Variants in ALDH4A1 observed in about 807,000 individuals in gnomAD.
The protein encoded by ALDH4A1 is aldehyde dehydrogenase 4 family member A1.
ALDH4A1 carries 46 observed loss-of-function variants against 70.5 expected under a neutral mutation model. The observed-to-expected ratio is 0.65, with a 90% CI of 0.51 to 0.83. The LOEUF (loss-of-function observed/expected upper bound fraction) is 0.83, where lower values mean the gene tolerates loss of function less well. ALDH4A1 is among the 40% of genes least tolerant of loss of function. The pLI is 0.00. For missense variants in ALDH4A1, 749 were observed against 766.5 expected (o/e 0.98, Z 0.27); for synonymous variants, 323 against 324.3 (o/e 1.00, Z 0.04).
At position 18,901,009 on chromosome 1, in the gene ALDH4A1, G is replaced by T. The variant is rs565776864; in HGVS notation, c.62+1453C>A. Reference sequence around the variant, plus strand: ...CTATGCATTTCTCCCCTATTAAGCCGAAAACTCCTCAAAGGCCCCACCCCA... The same window carrying T: ...CTATGCATTTCTCCCCTATTAAGCCTAAAACTCCTCAAAGGCCCCACCCCA... On this transcript the variant is annotated intron_variant, in intron 1 of 14. Transcript: ENST00000375341. 7.1e-6 allele frequency: 5 copies of T among 708,326 alleles called. No homozygotes were observed. The South Asian group carries it at 3.2e-4, about 45-fold the overall frequency. 43.9% of individuals were successfully genotyped at this position (708,326 alleles called of 1,614,324 possible). A position where few individuals can be genotyped will look rare whatever the true frequency, so the allele number is the denominator to read the frequency against.
chr1:18,887,412 A>T (rs1028589361), intron 3 of ALDH4A1, among the ~76,000 whole-genome samples: 17 of 152,362 alleles, frequency 1.1e-4, no homozygotes, highest in Non-Finnish European at 2.4e-4. Context: ...ATCCTGGCTA[A>T]CATGGTGAAA....
intron 1 of ALDH4A1, among the ~76,000 whole-genome samples, chr1:18,900,245 C>A (rs1188801861): frequency 1.3e-5 from 2 of 152,312 alleles, no homozygotes; most frequent in South Asian, 4.1e-4. Context: ...CTCCTATACC[C>A]GTTCCTCAAA....
chr1:18,888,292 T>G (rs1198516650), intron 3 of ALDH4A1, among the ~76,000 whole-genome samples: 1 of 152,192 alleles, frequency 6.6e-6, no homozygotes, highest in East Asian at 1.9e-4. Context: ...TGGCCTGTGA[T>G]GCTTAAGGGC....
intron 1 of ALDH4A1, among the ~76,000 whole-genome samples, chr1:18,901,679 T>C (rs1935802864): frequency 6.6e-6 from 1 of 152,148 alleles, no homozygotes; most frequent in African/African-American, 2.4e-5. Context: ...TTTGGAATAA[T>C]GACCTGCCTC....
chr1:18,882,687 A>C (rs780418124), intron 7 of ALDH4A1: 2 of 551,384 alleles, frequency 3.6e-6, no homozygotes, highest in Non-Finnish European at 7.3e-6. Flanking sequence ...TGAGAGGATG[A>C]AATGAGATCA....
intron 1 of ALDH4A1, among the ~76,000 whole-genome samples, chr1:18,901,448 G>A (rs1045070916): frequency 6.6e-6 from 1 of 152,166 alleles, no homozygotes; most frequent in African/African-American, 2.4e-5. Flanking sequence ...GGGAGGGGGG[G>A]CTGATCCACA....
Position 18,880,638 on chromosome 1 carries a change from T to C in ALDH4A1, c.866+1062A>G, listed in dbSNP as rs1391487153. Among the ~76,000 whole-genome samples, 1 of 151,936 alleles carries C rather than the reference T, an allele frequency of 6.6e-6. No individual in the cohort carries two copies. Among genetic ancestry groups the C allele is most frequent in the Non-Finnish European group, 1.5e-5 (1 of 67,968 alleles). ...GGGAAAGGAAACAGCGTGGATCAGG[T>C]ATGCAGGGAGCCAGAGGGCACCCAC... On this transcript the variant is annotated intron_variant, in intron 8 of 14. Transcript: ENST00000375341. The surrounding 1 kb of genome is among the most constrained non-coding windows in gnomAD (Gnocchi z 5.1).
At chr1:18,876,805 C>T (rs1934710796) in intron 11 of ALDH4A1, among the ~76,000 whole-genome samples, 2 of 152,138 alleles carry the variant, frequency 1.3e-5, no homozygotes, top group South Asian at 2.1e-4. Flanking sequence ...GATCTGCATG[C>T]CTTCTCCATG....
intron 9 of ALDH4A1, among the ~76,000 whole-genome samples, chr1:18,878,225 G>T (rs1934810352): frequency 1.3e-5 from 2 of 152,192 alleles, no homozygotes; most frequent in Non-Finnish European, 1.5e-5. Flanking sequence ...GCTGTGCTTT[G>T]TCTGACCAAA....
At chr1:18,887,331 G>A (rs1487287753) in intron 3 of ALDH4A1, among the ~76,000 whole-genome samples, 1 of 152,268 alleles carries the variant, frequency 6.6e-6, no homozygotes, top group Middle Eastern at 3.2e-3. Flanking sequence ...CGGGCGCGGT[G>A]GCTCACACCT....
chr1:18,875,444 C>A lies in ALDH4A1; in HGVS notation c.1398G>T (p.Thr466=), dbSNP rs148063256. 25 of 1,614,026 alleles carry A rather than the reference C, an allele frequency of 1.5e-5. No homozygotes were observed. In the African/African-American group the frequency reaches 3.1e-4, roughly 20 times the overall value. ...YVYPDDKYKE[T]LQLVDSTTSY... The stretch of plus-strand genomic sequence containing the variant: ...TGGTGGTGCTGTCAACCAGCTGCAG[C>A]GTCTCCTTGTACTTGTCATCCGGGT... The change falls in exon 13 of 15, where the codon ACG becomes ACT. Residue 466 remains threonine, a synonymous_variant. Coordinates refer to ENST00000375341, the MANE Select transcript of ALDH4A1 (RefSeq NM_003748.4).
At chr1:18,882,191 C>G (rs957980608) in intron 7 of ALDH4A1, among the ~76,000 whole-genome samples, 19 of 152,258 alleles carry the variant, frequency 1.2e-4, no homozygotes, top group East Asian at 1.9e-4. Flanking sequence ...GCTAGAGTCA[C>G]TGAGTGCTCA....
intron 1 of ALDH4A1, among the ~76,000 whole-genome samples, chr1:18,900,477 C>T (rs1935763328): frequency 6.6e-6 from 1 of 152,240 alleles, no homozygotes; most frequent in Admixed American, 6.5e-5. Flanking sequence ...TAACATCTGA[C>T]AATGTCTGGG....
chr1:18,875,602 C>T (rs555089390), intron 12 of ALDH4A1, 99 bp from the exon 13 acceptor site: 2 of 1,585,352 alleles, frequency 1.3e-6, no homozygotes, highest in East Asian at 2.2e-5. Context: ...CTCCCCAGTC[C>T]CTGGGCCTCA....
At chr1:18,895,146 A>G (rs1235285429) in intron 1 of ALDH4A1, among the ~76,000 whole-genome samples, 2 of 152,164 alleles carry the variant, frequency 1.3e-5, no homozygotes, top group East Asian at 3.9e-4. Context: ...AGCACCCAGG[A>G]AGTGCCTGGC....
chr1:18,893,257 T>G (rs555794858), intron 1 of ALDH4A1, among the ~76,000 whole-genome samples: 1 of 152,256 alleles, frequency 6.6e-6, no homozygotes, highest in Admixed American at 6.5e-5. Flanking sequence ...CTCAGTTTCC[T>G]CACCTGGAAA....
chr1:18,893,378 G>A lies in ALDH4A1; in HGVS notation c.63-3273C>T, dbSNP rs143154417. Among the ~76,000 whole-genome samples the A allele has an allele frequency of 1.2e-4, 18 of 152,280 alleles. 1 individual carries two copies. In the East Asian group the frequency reaches 3.3e-3, roughly 28 times the overall value. On this transcript the variant is annotated intron_variant, in intron 1 of 14. Transcript: ENST00000375341. ...GACACGAATATGGGACCTGAGTCAT[G>A]CCCTTTGCATCCACACCCGATGGCA...
At chr1:18,881,932 G>A (rs1378595738) in intron 7 of ALDH4A1, 45 bp from the exon 8 acceptor site, 1 of 1,563,314 alleles carries the variant, frequency 6.4e-7, no homozygotes, top group Non-Finnish European at 8.7e-7. Flanking sequence ...GGCGCCACCA[G>A]CCCCCAACCC....
chr1:18,899,447 A>G (rs1411829468), intron 1 of ALDH4A1, among the ~76,000 whole-genome samples: 1 of 152,234 alleles, frequency 6.6e-6, no homozygotes. Flanking sequence ...GTGAACTCTT[A>G]TAAGCCTACT....
Sources: allele counts gnomAD v4.1 joint callset (sites outside exome capture counted in the v4.1 genomes callset), GRCh38; gene constraint gnomAD v4.1.1; non-coding constraint Gnocchi (gnomAD v3.1); transcripts MANE v1.5; gene names NCBI Gene and HGNC (gene_info 2026-07-23, HGNC 2026-07-21).